The following DPH6 variants were observed in gnomAD, a reference collection of about 807,000 sequenced individuals.
DPH6 encodes the protein diphthamine biosynthesis 6.
Under a neutral mutation model 38.2 loss-of-function variants are expected in DPH6, and 33 were observed. That is an observed-to-expected ratio of 0.86 (90% CI 0.65 to 1.15). The LOEUF (loss-of-function observed/expected upper bound fraction) is 1.15. DPH6 is among the 50% of genes most tolerant of loss of function. The pLI, the probability that DPH6 is intolerant of heterozygous loss-of-function variation, is 0.00. For synonymous variants in DPH6, 108 were observed against 103.0 expected, an observed-to-expected ratio of 1.05 and a Z score of -0.30; for missense variants, 325 against 320.0, an observed-to-expected ratio of 1.02 and a Z score of -0.12.
chr15:35,327,100 T>A (rs1015968543), downstream of DPH6, among the ~76,000 whole-genome samples: 2 of 152,186 alleles, frequency 1.3e-5, no homozygotes. Flanking sequence ...AAAGGCCCTA[T>A]AAAATGTCCA....
At chr15:35,537,510 T>C (rs1486858463) in intron 3 of DPH6, among the ~76,000 whole-genome samples, 1 of 152,138 alleles carries the variant, frequency 6.6e-6, no homozygotes, top group African/African-American at 2.4e-5. Context: ...TAATATAAAA[T>C]CATCCTTATT....
intron 1 of DPH6, among the ~76,000 whole-genome samples, chr15:35,542,937 ACT>A (rs2055278333): frequency 4.6e-5 from 1 of 21,904 alleles, no homozygotes; most frequent in Admixed American, 6.8e-4. Flanking sequence ...ATATTATTCC[ACT>A]TAAGGAATAT....
intron 3 of DPH6, among the ~76,000 whole-genome samples, chr15:35,477,789 T>A (rs1301506343): frequency 1.3e-5 from 2 of 151,876 alleles, no homozygotes; most frequent in South Asian, 4.1e-4. Flanking sequence ...ATCGTAGGGT[T>A]CAGCAAAAAG....
At chr15:35,529,444 C>G (rs554155637) in intron 3 of DPH6, among the ~76,000 whole-genome samples, 26 of 152,326 alleles carry the variant, frequency 1.7e-4, no homozygotes, top group African/African-American at 5.8e-4. Flanking sequence ...TACTCCAACA[C>G]TGGGAATCAC....
chr15:35,464,210 C>T (rs2054099838), intron 3 of DPH6, among the ~76,000 whole-genome samples: 1 of 151,732 alleles, frequency 6.6e-6, no homozygotes, highest in African/African-American at 2.4e-5. Context: ...AGGAGAATCA[C>T]TTGAACCAGG....
chr15:35,438,953 G>A (rs1244327228), intron 5 of DPH6, among the ~76,000 whole-genome samples: 1 of 152,180 alleles, frequency 6.6e-6, no homozygotes, highest in Non-Finnish European at 1.5e-5. Flanking sequence ...AATTCTGTGT[G>A]TGAACACTGA....
chr15:35,375,002 TA>T (rs1386635987), intron 7 of DPH6, among the ~76,000 whole-genome samples: 5 of 152,116 alleles, frequency 3.3e-5, no homozygotes, highest in Non-Finnish European at 7.4e-5. Flanking sequence ...ACTCTTACAT[TA>T]AATGTCAATA....
chr15:35,232,597 A>C (rs1351378032), intron 3 of DPH6, among the ~76,000 whole-genome samples: 1 of 152,098 alleles, frequency 6.6e-6, no homozygotes, highest in Non-Finnish European at 1.5e-5. Flanking sequence ...AAAAACAAAA[A>C]CAAAAACAAA....
downstream of DPH6, among the ~76,000 whole-genome samples, chr15:35,366,444 T>C (rs2052661399): frequency 6.6e-6 from 1 of 151,982 alleles, no homozygotes; most frequent in Non-Finnish European, 1.5e-5. Flanking sequence ...AGTGTTTATT[T>C]AGCACTGAAA....
chr15:35,384,611 C>T (rs1478534421), intron 6 of DPH6, among the ~76,000 whole-genome samples: 6 of 151,916 alleles, frequency 3.9e-5, no homozygotes, highest in South Asian at 2.1e-4. Context: ...TGCAGTGAGC[C>T]GAGATCGCAC....
intron 5 of DPH6, among the ~76,000 whole-genome samples, chr15:35,421,077 C>A (rs1047097879): frequency 1.3e-5 from 2 of 152,018 alleles, no homozygotes; most frequent in South Asian, 4.1e-4. Context: ...TATAACCTAC[C>A]AAGACTGAAT....
At chr15:35,454,697 A>G in intron 4 of DPH6, 50 bp downstream of exon 4, 1 of 1,456,368 alleles carries the variant, frequency 6.9e-7, no homozygotes, top group Non-Finnish European at 9.5e-7. Context: ...ACTTATTCAC[A>G]TTCTTAAAAC....
intron 3 of DPH6, among the ~76,000 whole-genome samples, chr15:35,495,710 A>G (rs1414093296): frequency 6.6e-6 from 1 of 152,200 alleles, no homozygotes. Context: ...ATCCCAGCAG[A>G]TTATTTTTGT....
intron 3 of DPH6, among the ~76,000 whole-genome samples, chr15:35,354,098 T>A (rs1157172782): frequency 6.6e-6 from 1 of 152,202 alleles, no homozygotes; most frequent in Non-Finnish European, 1.5e-5. Flanking sequence ...TATTGGTGTA[T>A]AAGAATGCTT....
intron 3 of DPH6, among the ~76,000 whole-genome samples, chr15:35,238,405 G>C (rs1362493150): frequency 1.3e-5 from 2 of 152,084 alleles, no homozygotes; most frequent in Non-Finnish European, 2.9e-5. Flanking sequence ...TTTTATTAAG[G>C]CATTTCAATA....
At chr15:35,384,731 C>G (rs1595518145) in intron 6 of DPH6, among the ~76,000 whole-genome samples, 1 of 152,080 alleles carries the variant, frequency 6.6e-6, no homozygotes, top group Non-Finnish European at 1.5e-5. Flanking sequence ...GTTACCACCC[C>G]TATGCATGCA....
At chr15:35,274,517 A>AG in intron 3 of DPH6, among the ~76,000 whole-genome samples, 1 of 152,320 alleles carries the variant, frequency 6.6e-6, no homozygotes, top group South Asian at 2.1e-4. Flanking sequence ...GCTAATATCC[A>AG]GAAACTACAA....
intron 3 of DPH6, among the ~76,000 whole-genome samples, chr15:35,350,022 T>C (rs1008047832): frequency 5.3e-5 from 8 of 152,176 alleles, no homozygotes; most frequent in African/African-American, 1.9e-4. Flanking sequence ...TTGAGAAGGA[T>C]TTTTGTTAGT....
chr15:35,209,768 C>A, the DPH6 span, among the ~76,000 whole-genome samples: 2 of 152,244 alleles, frequency 1.3e-5, no homozygotes, highest in African/African-American at 4.8e-5. Context: ...TTGTGCACAG[C>A]CAATTACGAG....
Sources: gnomAD v4.1 joint callset for allele counts (sites outside exome capture counted in the v4.1 genomes callset) on GRCh38, gnomAD v4.1.1 for gene constraint, MANE v1.5 for transcripts, NCBI Gene and HGNC (gene_info 2026-07-23, HGNC 2026-07-21) for gene names.